Variants in CARMIL3 observed in about 807,000 individuals in gnomAD.
The protein encoded by CARMIL3 is capping protein, Arp2/3 and myosin-I linker protein 3.
In CARMIL3, 88 loss-of-function variants were observed where a neutral mutation model predicts 180.8. The ratio of observed to expected loss-of-function variants is 0.49; its 90% CI spans 0.41 to 0.58. The LOEUF (loss-of-function observed/expected upper bound fraction) is 0.58. Ranked by LOEUF, CARMIL3 falls within the 20% of genes least tolerant of loss-of-function variation. The pLI is 0.00. For synonymous variants in CARMIL3, 696 were observed against 714.5 expected, an observed-to-expected ratio of 0.97 and a Z score of 0.41; for missense variants, 1,548 against 1,787.0, an observed-to-expected ratio of 0.87 and a Z score of 2.41.
Position 24,054,578 on chromosome 14 carries a change from C to T in CARMIL3, c.362+67C>T, listed in dbSNP as rs2035653439. Reference sequence around the variant, plus strand: ...GGGAGAGTTCATCCCTTCCTCCTTCCCCTGGGCCAGGGCTGAGAAGGAGAG... The same window carrying T: ...GGGAGAGTTCATCCCTTCCTCCTTCTCCTGGGCCAGGGCTGAGAAGGAGAG... On this transcript the variant is annotated intron_variant, in intron 5 of 39. Transcript: ENST00000342740. This position sits in a 1 kb window ranked among gnomAD's most constrained non-coding sequence, Gnocchi z 5.1. 9.7e-6 allele frequency: 15 copies of T among 1,546,072 alleles called. No individual in the cohort carries two copies. The highest frequency in any genetic ancestry group is 1.7e-4 in the Middle Eastern group (1 of 5,924).
At chr14:24,056,836 G>T (rs2035676650) in intron 12 of CARMIL3, 79 bp from the exon 13 acceptor site, 10 of 1,539,572 alleles carry the variant, frequency 6.5e-6, no homozygotes, top group South Asian at 3.4e-5. Context: ...AGCCACGTTT[G>T]GGGAGAGGGG....
At chr14:24,060,489 G>A (rs1449120886) in intron 24 of CARMIL3, 139 bp from the exon 25 acceptor site, 4 of 1,331,820 alleles carry the variant, frequency 3.0e-6, no homozygotes, top group South Asian at 2.7e-5. Context: ...CAAGAAGGCT[G>A]TAGCAATGGG....
intron 7 of CARMIL3, 23 bp downstream of exon 7, chr14:24,055,159 A>G: frequency 1.2e-6 from 2 of 1,614,032 alleles, no homozygotes; most frequent in South Asian, 2.2e-5. Flanking sequence ...GGGACCCCAT[A>G]GGGAACAGGT....
chr14:24,057,336 C>T (rs559123989), intron 14 of CARMIL3, 92 bp downstream of exon 14: 63 of 1,170,326 alleles, frequency 5.4e-5, no homozygotes, highest in Admixed American at 2.7e-4. Flanking sequence ...AGTACACAGG[C>T]GGGCAGAGCT....
rs368448940 is a variant in CARMIL3, at chr14:24,063,446, G to A, written c.2892G>A (p.Leu964=). ...GCTCCTGGGAAGGTCTATCTGAGCT[G>A]CCCACTCATGGTTACAAACTAAGGC... The part of the protein sequence containing the change: ...ASGSWEGLSE[L]PTHGYKLRHQ... Residue 964 remains leucine, a synonymous_variant, in exon 31 of 40, where the codon CTG becomes CTA. Transcript: ENST00000342740. 5.6e-6 allele frequency: 9 copies of A among 1,613,772 alleles called. No individual in the cohort carries two copies. The highest frequency in any genetic ancestry group is 7.6e-6 in the Non-Finnish European group (9 of 1,180,010).
chr14:24,069,396 A>G lies in CARMIL3; in HGVS notation c.4111A>G (p.Thr1371Ala). 1 of 1,614,124 alleles carries G rather than the reference A, an allele frequency of 6.2e-7. No homozygotes were observed. Among genetic ancestry groups the G allele is most frequent in the South Asian group, 1.1e-5 (1 of 91,084 alleles). The change falls in exon 40 of 40, where the codon ACA becomes GCA. Residue 1371 changes from threonine (T) to alanine (A), a missense_variant. Transcript: ENST00000342740. ...PDPTGTSEPG[T>A]D Reference sequence around the variant, plus strand: ...CCCAGCAGGAACCAGTGAGCCAGGAACAGACTGACAACTGCCACAACACCC... The same window carrying G: ...CCCAGCAGGAACCAGTGAGCCAGGAGCAGACTGACAACTGCCACAACACCC...
chr14:24,054,333 G>A lies in CARMIL3; in HGVS notation c.246+32G>A, dbSNP rs1240118735. The stretch of plus-strand genomic sequence containing the variant: ...ACCAGGGCTTTGGGCCCCACTACTG[G>A]GCCAGCTGGAGGAGGGAGCAGAGAG... On this transcript the variant is annotated intron_variant, in intron 4 of 39. Coordinates refer to ENST00000342740, the MANE Select transcript of CARMIL3 (RefSeq NM_138360.4). This position sits in a 1 kb window ranked among gnomAD's most constrained non-coding sequence, Gnocchi z 5.1. 1 of 1,614,142 alleles carries A rather than the reference G, an allele frequency of 6.2e-7. No individual in the cohort carries two copies. The highest frequency in any genetic ancestry group is 1.7e-5 in the Admixed American group (1 of 60,024).
rs904513440 is a variant in CARMIL3 at position 24,066,916 on chromosome 14, G to A, written c.3682+260G>A. On this transcript the variant is annotated intron_variant, in intron 36 of 39. Coordinates refer to ENST00000342740, the MANE Select transcript of CARMIL3 (RefSeq NM_138360.4). ...GCGATGCTTTGTGGATGGCTCTGGC[G>A]AATTCTCCAGGGCAGGTGCAGCCTC... Among the ~76,000 whole-genome samples, 9 of 152,364 alleles carry A rather than the reference G, an allele frequency of 5.9e-5. No individual in the cohort carries two copies. In the South Asian group the frequency reaches 1.2e-3, roughly 21 times the overall value.
Position 24,059,223 on chromosome 14 carries a change from C to G in CARMIL3, c.1626+34C>G. 1 of 1,613,716 alleles carries G rather than the reference C, an allele frequency of 6.2e-7. No homozygotes were observed. Among genetic ancestry groups the G allele is most frequent in the South Asian group, 1.1e-5 (1 of 91,040 alleles). Reference sequence around the variant, plus strand: ...CTGGGCCTGGGAGGGGACCTGCAGTCGGAGGAGGCTGTGGGGACTGGGTCC... The same window carrying G: ...CTGGGCCTGGGAGGGGACCTGCAGTGGGAGGAGGCTGTGGGGACTGGGTCC... On this transcript the variant is annotated intron_variant, in intron 20 of 39. Coordinates refer to ENST00000342740, the MANE Select transcript of CARMIL3 (RefSeq NM_138360.4). The surrounding 1 kb of genome is among the most constrained non-coding windows in gnomAD (Gnocchi z 6.3).
chr14:24,065,149 G>GC lies in CARMIL3; in HGVS notation c.3278dup (p.Ser1094Ter), dbSNP rs1594554153. 9 of 1,401,442 alleles carry GC rather than the reference G, an allele frequency of 6.4e-6. No individual in the cohort carries two copies. Among genetic ancestry groups the GC allele is most frequent in the South Asian group, 1.5e-5 (1 of 65,564 alleles). The allele number at this position is 1,401,442 out of a possible 1,614,324, so 86.8% of individuals were successfully genotyped here. Reference sequence around the variant, plus strand: ...CCACCCCCTCCCCCGACTCAGGAGAGCCCCCCTAGCCCAGACCCCCCAAGC... The same window carrying GC: ...CCACCCCCTCCCCCGACTCAGGAGAGCCCCCCCTAGCCCAGACCCCCCAAGC... On this transcript the variant is annotated frameshift_variant, in exon 33 of 40. Coordinates refer to ENST00000342740, the MANE Select transcript of CARMIL3 (RefSeq NM_138360.4). LOFTEE classifies it high-confidence loss of function.
In CARMIL3 at chr14:24,069,414, C is replaced by T. The variant is rs1444197471; in HGVS notation, c.*10C>T. ...GCCAGGAACAGACTGACAACTGCCA[C>T]AACACCCTCCTCAGCCCTCGACATG... On this transcript the variant is annotated 3_prime_UTR_variant, in exon 40 of 40. Coordinates refer to ENST00000342740, the MANE Select transcript of CARMIL3 (RefSeq NM_138360.4). The T allele has an allele frequency of 3.1e-6, 5 of 1,614,158 alleles. No homozygotes were observed. Among genetic ancestry groups the T allele is most frequent in the Non-Finnish European group, 4.2e-6 (5 of 1,180,018 alleles).
At chr14:24,063,605 G>T in intron 31 of CARMIL3, 72 bp downstream of exon 31, 1 of 1,442,230 alleles carries the variant, frequency 6.9e-7, no homozygotes, top group South Asian at 1.3e-5. Context: ...TTACCTTTAG[G>T]ACCCAAATGC....
Position 24,055,260 on chromosome 14 carries a change from T to C in CARMIL3, c.555T>C (p.Ala185=). Residue 185 remains alanine, a synonymous_variant, in exon 8 of 40, where the codon GCT becomes GCC. Coordinates refer to ENST00000342740, the MANE Select transcript of CARMIL3 (RefSeq NM_138360.4). ...VQWDVDTIYH[A]EDNREFNLLD... The stretch of plus-strand genomic sequence containing the variant: ...AGGATGTGGACACCATCTACCATGC[T>C]GAAGATAACCGGGAGTTCAATCTTT... 2 of 1,614,152 alleles carry C rather than the reference T, an allele frequency of 1.2e-6. No homozygotes were observed. The highest frequency in any genetic ancestry group is 1.7e-6 in the Non-Finnish European group (2 of 1,180,026).
Position 24,054,527 on chromosome 14 carries a change from G to A in CARMIL3, c.362+16G>A, listed in dbSNP as rs1594546780. ...CTGGCCCTGGGTGAGTGGCAAATAAGGGGTCTCTTAAGGCATTAGATGAGA... is the reference window on the plus strand; with the variant it reads ...CTGGCCCTGGGTGAGTGGCAAATAAAGGGTCTCTTAAGGCATTAGATGAGA... On this transcript the variant is annotated intron_variant, in intron 5 of 39. Coordinates refer to ENST00000342740, the MANE Select transcript of CARMIL3 (RefSeq NM_138360.4). The surrounding 1 kb of genome is among the most constrained non-coding windows in gnomAD (Gnocchi z 5.1). 1 of 1,442,010 alleles carries A rather than the reference G, an allele frequency of 6.9e-7. No individual in the cohort carries two copies. Among genetic ancestry groups the A allele is most frequent in the Non-Finnish European group, 9.2e-7 (1 of 1,084,636 alleles). The allele number at this position is 1,442,010 out of a possible 1,614,324, so 89.3% of individuals were successfully genotyped here.
Position 24,064,172 on chromosome 14 carries a change from G to A in CARMIL3, c.2980-74G>A, listed in dbSNP as rs531942362. 144 of 955,096 alleles carry A rather than the reference G, an allele frequency of 1.5e-4. 2 individuals are homozygous for A. In the South Asian group the frequency reaches 2.0e-3, roughly 13 times the overall value. The allele number at this position is 955,096 out of a possible 1,614,324, so 59.2% of individuals were successfully genotyped here. A position where few individuals can be genotyped will look rare whatever the true frequency, so the allele number is the denominator to read the frequency against. ...TCCATAAATGTCCAAGCCCAAAGGG[G>A]AATGCTCTGAGTGGATGGGAGGTGG... On this transcript the variant is annotated intron_variant, in intron 31 of 39. Coordinates refer to ENST00000342740, the MANE Select transcript of CARMIL3 (RefSeq NM_138360.4).
rs966962532 is a variant in CARMIL3, at chr14:24,058,626, G to A, written c.1393-54G>A. 1.0e-5 allele frequency: 15 copies of A among 1,476,434 alleles called. No individual in the cohort carries two copies. Among genetic ancestry groups the A allele is most frequent in the Admixed American group, 1.7e-5 (1 of 58,014 alleles). 91.5% of individuals were successfully genotyped at this position (1,476,434 alleles called of 1,614,324 possible). On this transcript the variant is annotated intron_variant, in intron 17 of 39. Transcript: ENST00000342740. The surrounding 1 kb of genome is among the most constrained non-coding windows in gnomAD (Gnocchi z 6.4). ...GACTACTATATCCTAAGCATTAAAG[G>A]TGCCCTACCCCCACCCCAACCCCTG...
Position 24,052,082 on chromosome 14 carries a change from G to C in CARMIL3, c.-72G>C. On this transcript the variant is annotated 5_prime_UTR_variant, in exon 1 of 40. Coordinates refer to ENST00000342740, the MANE Select transcript of CARMIL3 (RefSeq NM_138360.4). ...AGCGCCCGGGCCCTGCTGAAGCCGG[G>C]TCTAGCATGTGCCGCGGCTCCCCGG... 1 of 1,481,748 alleles carries C rather than the reference G, an allele frequency of 6.7e-7. No individual in the cohort carries two copies. Among genetic ancestry groups the C allele is most frequent in the South Asian group, 1.3e-5 (1 of 78,846 alleles). The allele number at this position is 1,481,748 out of a possible 1,614,324, so 91.8% of individuals were successfully genotyped here.
chr14:24,062,633 C>T, intron 28 of CARMIL3, 66 bp downstream of exon 28: 1 of 1,613,198 alleles, frequency 6.2e-7, no homozygotes, highest in Non-Finnish European at 8.5e-7. Context: ...TCCTGTCTCC[C>T]TAATCACCCT....
chr14:24,057,924 C>A (rs1323501963), intron 15 of CARMIL3, 36 bp from the exon 16 acceptor site: 1 of 1,612,978 alleles, frequency 6.2e-7, no homozygotes, highest in East Asian at 2.2e-5. Context: ...ACATGGCCAA[C>A]CCCCTCCCTC....
Sources: gnomAD v4.1 joint callset for allele counts (sites outside exome capture counted in the v4.1 genomes callset) on GRCh38, gnomAD v4.1.1 for gene constraint, Gnocchi (gnomAD v3.1) non-coding constraint, MANE v1.5 for transcripts, NCBI Gene and HGNC (gene_info 2026-07-23, HGNC 2026-07-21) for gene names.